The following AANAT variants were observed in gnomAD, a reference collection of about 807,000 sequenced individuals.
AANAT encodes the protein serotonin N-acetyltransferase.
AANAT carries 11 observed loss-of-function variants against 15.6 expected under a neutral mutation model. The ratio of observed to expected loss-of-function variants is 0.71; its 90% CI spans 0.44 to 1.17. AANAT has a LOEUF of 1.17. AANAT is among the 50% of genes most tolerant of loss of function. The pLI is 0.00. For missense variants in AANAT, 286 were observed against 296.3 expected (o/e 0.97, Z 0.26); for synonymous variants, 139 against 131.5 (o/e 1.06, Z -0.39).
chr17:76,459,391 TC>T (rs1236144685), intron 2 of AANAT: 1 of 152,252 alleles, frequency 6.6e-6, no homozygotes, highest in African/African-American at 2.4e-5. Context: ...CATCATCTTT[TC>T]CTCAAATAGT....
chr17:76,464,966 T>G (rs1279782482), upstream of AANAT, among the ~76,000 whole-genome samples: 1 of 151,964 alleles, frequency 6.6e-6, no homozygotes, highest in Non-Finnish European at 1.5e-5. Flanking sequence ...TGGCTGATTT[T>G]TTGTATTTTT....
intron 2 of AANAT, among the ~76,000 whole-genome samples, chr17:76,461,648 A>AAATCAATC (rs976531861): frequency 6.7e-6 from 1 of 150,256 alleles, no homozygotes; most frequent in Admixed American, 6.6e-5. Context: ...AGGAAGGAAG[A>AAATCAATC]AATCAATCAA....
At position 76,469,278 on chromosome 17, in the gene AANAT, T is replaced by C; in HGVS notation, c.269T>C (p.Leu90Pro). The C allele has an allele frequency of 6.2e-7, 1 of 1,614,164 alleles. No individual in the cohort carries two copies. Among genetic ancestry groups the C allele is most frequent in the Non-Finnish European group, 8.5e-7 (1 of 1,180,020 alleles). Reference protein sequence around the residue: ...LSLGWFEEGCLVAFIIGSLWD... With the variant: ...LSLGWFEEGCPVAFIIGSLWD... The stretch of plus-strand genomic sequence containing the variant: ...CTGGGCTGGTTCGAGGAGGGCTGCC[T>C]TGTGGCCTTCATCATCGGCTCGCTC... Residue 90 changes from leucine to proline, a missense_variant, in exon 3 of 4, where the codon CTT (leucine) becomes CCT (proline). Transcript: ENST00000392492. The surrounding 1 kb of genome is among the most constrained non-coding windows in gnomAD (Gnocchi z 5.2).
At position 76,467,685 on chromosome 17, in the gene AANAT, C is replaced by T. The variant is rs760653182; in HGVS notation, c.-118C>T. ...CCTGCGGACAGGCCCCCAGGGCTAG[C>T]GGCTTTGTGGAGGGAACACTGGGTA... On this transcript the variant is annotated 5_prime_UTR_variant, in exon 1 of 4. Transcript: ENST00000392492. The T allele has an allele frequency of 1.2e-4, 117 of 985,488 alleles. No homozygotes were observed. Among genetic ancestry groups the T allele is most frequent in the Middle Eastern group, 5.2e-4 (1 of 1,914 alleles). The allele number at this position is 985,488 out of a possible 1,614,324, so 61.0% of individuals were successfully genotyped here.
upstream of AANAT, among the ~76,000 whole-genome samples, chr17:76,464,290 C>CGA (rs1042385383): frequency 6.6e-6 from 1 of 150,476 alleles, no homozygotes; most frequent in Non-Finnish European, 1.5e-5. Flanking sequence ...TGCAGTGAGC[C>CGA]GAGATTGTGC....
intron 1 of AANAT, among the ~76,000 whole-genome samples, chr17:76,455,506 A>G (rs769643403): frequency 1.3e-5 from 2 of 152,222 alleles, no homozygotes; most frequent in Non-Finnish European, 2.9e-5. Flanking sequence ...AAGGGTTTAG[A>G]TACATTCTCA....
chr17:76,463,090 GC>G (rs1424796444), upstream of AANAT, among the ~76,000 whole-genome samples: 4 of 152,296 alleles, frequency 2.6e-5, no homozygotes, highest in Non-Finnish European at 4.4e-5. Context: ...GATGCTCACT[GC>G]CCCTGCACCA....
chr17:76,459,546 C>A (rs760199392), intron 2 of AANAT, among the ~76,000 whole-genome samples: 7 of 152,274 alleles, frequency 4.6e-5, no homozygotes, highest in Middle Eastern at 6.8e-3. Context: ...TTTTCACACC[C>A]TTCCTGTCCA....
chr17:76,465,862 AT>A (rs982903769), upstream of AANAT: 15 of 311,726 alleles, frequency 4.8e-5, no homozygotes, highest in African/African-American at 2.9e-4. Context: ...ATTTATTTTT[AT>A]TTGTATTTTT....
chr17:76,469,835 G>T lies in AANAT; in HGVS notation c.489G>T (p.Ala163=). 6.2e-7 allele frequency: 1 copy of T among 1,604,930 alleles called. No individual in the cohort carries two copies. The highest frequency in any genetic ancestry group is 1.7e-5 in the Admixed American group (1 of 59,022). The part of the protein sequence containing the change: ...VRRAALMCED[A]LVPFYERFSF... ...GGGCCGCGCTCATGTGCGAGGACGC[G>T]CTGGTACCCTTCTATGAGAGGTTCA... Residue 163 remains alanine (A), a synonymous_variant, in exon 4 of 4, where the codon GCG becomes GCT. Coordinates refer to ENST00000392492, the MANE Select transcript of AANAT (RefSeq NM_001088.3). The surrounding 1 kb of genome is among the most constrained non-coding windows in gnomAD (Gnocchi z 5.2).
At chr17:76,465,176 C>T (rs2073425411), upstream of AANAT, among the ~76,000 whole-genome samples, 1 of 152,096 alleles carries the variant, frequency 6.6e-6, no homozygotes, top group African/African-American at 2.4e-5. Context: ...ACACATTCTC[C>T]CCCCCATCCC....
chr17:76,466,378 G>A, upstream of AANAT: 1 of 322,256 alleles, frequency 3.1e-6, no homozygotes, highest in Admixed American at 4.3e-5. Flanking sequence ...GGGAGAAGGG[G>A]ACCCAGAGAC....
intron 2 of AANAT, among the ~76,000 whole-genome samples, chr17:76,460,488 GA>G (rs1374626404): frequency 2.0e-5 from 3 of 151,946 alleles, no homozygotes; most frequent in African/African-American, 7.3e-5. Flanking sequence ...ATAATAGAGA[GA>G]AGGTCTCACT....
At chr17:76,466,177 A>G, upstream of AANAT, 6 of 1,537,016 alleles carry the variant, frequency 3.9e-6, no homozygotes, top group Non-Finnish European at 5.2e-6. Context: ...GGTGCCATGG[A>G]GCCACAGTCT....
chr17:76,456,931 G>C (rs2073348049), intron 1 of AANAT, among the ~76,000 whole-genome samples: 1 of 152,134 alleles, frequency 6.6e-6, no homozygotes, highest in South Asian at 2.1e-4. Flanking sequence ...CTAAGGGCAG[G>C]GGCTTTTGTA....
chr17:76,469,118 C>T lies in AANAT; in HGVS notation c.164-55C>T. 6.2e-7 allele frequency: 1 copy of T among 1,605,678 alleles called. No homozygotes were observed. Among genetic ancestry groups the T allele is most frequent in the South Asian group, 1.1e-5 (1 of 90,050 alleles). On this transcript the variant is annotated intron_variant, in intron 2 of 3. Transcript: ENST00000392492. The surrounding 1 kb of genome is among the most constrained non-coding windows in gnomAD (Gnocchi z 5.2). ...GAGTGGACACTCGGGGTGCAGCAGA[C>T]AGTGGACGCGAGGCACAGCGACTAC... is the stretch of plus-strand genomic sequence containing the variant.
At chr17:76,459,136 G>C (rs1260600756) in intron 1 of AANAT, 4 of 152,286 alleles carry the variant, frequency 2.6e-5, no homozygotes, top group Admixed American at 1.3e-4. Context: ...CTGTGAGGGT[G>C]GGTTGCAATC....
At chr17:76,466,195 G>C (rs766433496), upstream of AANAT, 1 of 1,536,856 alleles carries the variant, frequency 6.5e-7, no homozygotes, top group South Asian at 1.2e-5. Flanking sequence ...TCTATGAAGG[G>C]ACAGAAGAGG....
rs755086775 is a variant in AANAT at position 76,469,335 on chromosome 17, C to T, written c.318+8C>T. On this transcript the variant is annotated splice_region_variant and intron_variant, in intron 3 of 3. Coordinates refer to ENST00000392492, the MANE Select transcript of AANAT (RefSeq NM_001088.3). This position sits in a 1 kb window ranked among gnomAD's most constrained non-coding sequence, Gnocchi z 5.2. ...AAGGAGAGACTCATGCAGGTGAGGA[C>T]AGGGCTGCGACGCCCAGCTCCAGGG... 7.4e-6 allele frequency: 12 copies of T among 1,613,560 alleles called. No individual in the cohort carries two copies. Among genetic ancestry groups the T allele is most frequent in the Middle Eastern group, 1.6e-4 (1 of 6,084 alleles).
Sources: gnomAD v4.1 joint callset for allele counts (sites outside exome capture counted in the v4.1 genomes callset) on GRCh38, gnomAD v4.1.1 for gene constraint, Gnocchi (gnomAD v3.1) non-coding constraint, MANE v1.5 for transcripts, NCBI Gene and HGNC (gene_info 2026-07-23, HGNC 2026-07-21) for gene names.